RUNDC3B: variants seen among roughly 807,000 people sequenced by gnomAD.
RUNDC3B encodes RUN domain containing 3B.
A neutral mutation model predicts 58.4 loss-of-function variants in RUNDC3B; 33 were observed. The ratio of observed to expected loss-of-function variants is 0.56; its 90% CI spans 0.43 to 0.75. RUNDC3B has a LOEUF of 0.75. Ranked by LOEUF, RUNDC3B falls within the 30% of genes least tolerant of loss-of-function variation. The pLI, the probability that RUNDC3B is intolerant of heterozygous loss-of-function variation, is 0.00. For missense variants in RUNDC3B, 501 were observed against 535.7 expected (o/e 0.94, Z 0.64); for synonymous variants, 193 against 195.2 (o/e 0.99, Z 0.10).
chr7:87,726,078 A>G (rs1247126563), intron 4 of RUNDC3B, among the ~76,000 whole-genome samples: 1 of 224 alleles, frequency 4.5e-3, no homozygotes. Flanking sequence ...TTTGCTGTGC[A>G]GAAGCTCTTT....
At chr7:87,717,735 A>G (rs1830644031) in intron 4 of RUNDC3B, among the ~76,000 whole-genome samples, 1 of 152,150 alleles carries the variant, frequency 6.6e-6, no homozygotes, top group Non-Finnish European at 1.5e-5. Flanking sequence ...GATTTCAAGG[A>G]AGACTTGTAT....
intron 10 of RUNDC3B, among the ~76,000 whole-genome samples, chr7:87,820,040 A>G (rs976953299): frequency 2.0e-5 from 3 of 152,224 alleles, no homozygotes; most frequent in African/African-American, 7.2e-5. Context: ...CTAAAATCAG[A>G]GCGGAACTGA....
At chr7:87,737,903 A>G (rs1375846331) in intron 4 of RUNDC3B, among the ~76,000 whole-genome samples, 1 of 152,168 alleles carries the variant, frequency 6.6e-6, no homozygotes, top group Admixed American at 6.5e-5. Context: ...TATTATATGC[A>G]CACACATAAA....
At chr7:87,760,301 T>C (rs1833606179) in intron 6 of RUNDC3B, among the ~76,000 whole-genome samples, 1 of 152,110 alleles carries the variant, frequency 6.6e-6, no homozygotes, top group South Asian at 2.1e-4. Context: ...AACTTAAAAA[T>C]TGATGCTACA....
chr7:87,745,624 C>T (rs759647332), intron 6 of RUNDC3B, among the ~76,000 whole-genome samples: 1 of 152,008 alleles, frequency 6.6e-6, no homozygotes, highest in Admixed American at 6.6e-5. Context: ...TAGCCTTGAA[C>T]GATCTTTTGT....
At chr7:87,644,976 A>G (rs796843280) in intron 1 of RUNDC3B, among the ~76,000 whole-genome samples, 1 of 152,138 alleles carries the variant, frequency 6.6e-6, no homozygotes, top group African/African-American at 2.4e-5. Flanking sequence ...TATGTTTTAA[A>G]CAGTTTTGGT....
At chr7:87,727,924 A>T (rs992366928) in intron 4 of RUNDC3B, among the ~76,000 whole-genome samples, 1 of 152,186 alleles carries the variant, frequency 6.6e-6, no homozygotes, top group Non-Finnish European at 1.5e-5. Context: ...ATGATTCATT[A>T]TGCTCATTTT....
intron 1 of RUNDC3B, among the ~76,000 whole-genome samples, chr7:87,635,178 C>A (rs1821637426): frequency 6.6e-6 from 1 of 152,124 alleles, no homozygotes; most frequent in South Asian, 2.1e-4. Context: ...TAAAATATAT[C>A]CCTGGGTCAG....
intron 6 of RUNDC3B, among the ~76,000 whole-genome samples, chr7:87,742,488 G>T (rs1832382336): frequency 1.3e-5 from 2 of 152,024 alleles, no homozygotes; most frequent in South Asian, 4.2e-4. Flanking sequence ...ACTTCACTTA[G>T]AATAATAGTC....
chr7:87,667,395 A>G (rs553634205), intron 2 of RUNDC3B, among the ~76,000 whole-genome samples: 32 of 151,024 alleles, frequency 2.1e-4, no homozygotes, highest in African/African-American at 7.8e-4. Context: ...GGCCAAGACT[A>G]TGTTTTTTTT....
At chr7:87,732,979 G>A (rs191546597) in intron 4 of RUNDC3B, among the ~76,000 whole-genome samples, 1 of 152,206 alleles carries the variant, frequency 6.6e-6, no homozygotes, top group African/African-American at 2.4e-5. Context: ...ACAAAAGCTG[G>A]TTACAAACAA....
chr7:87,772,221 A>T (rs895615389), intron 7 of RUNDC3B, among the ~76,000 whole-genome samples: 1 of 152,144 alleles, frequency 6.6e-6, no homozygotes, highest in African/African-American at 2.4e-5. Context: ...ATATAATTTA[A>T]TGTTTAATAA....
At chr7:87,708,496 T>G (rs1045521881) in intron 3 of RUNDC3B, among the ~76,000 whole-genome samples, 1 of 152,178 alleles carries the variant, frequency 6.6e-6, no homozygotes, top group Non-Finnish European at 1.5e-5. Flanking sequence ...AAATGTAATC[T>G]ATAGTTAAAA....
At chr7:87,663,045 A>G (rs1273064248) in intron 2 of RUNDC3B, among the ~76,000 whole-genome samples, 1 of 151,912 alleles carries the variant, frequency 6.6e-6, no homozygotes, top group Non-Finnish European at 1.5e-5. Context: ...CAGATTGTTC[A>G]CTGTTGGCAT....
At chr7:87,733,888 G>T (rs959488452) in intron 4 of RUNDC3B, among the ~76,000 whole-genome samples, 13 of 152,174 alleles carry the variant, frequency 8.5e-5, no homozygotes, top group Admixed American at 7.2e-4. Context: ...GGCCCAGGGG[G>T]TGGGGACCCC....
chr7:87,658,320 G>A (rs765370703), intron 2 of RUNDC3B, among the ~76,000 whole-genome samples: 9 of 152,090 alleles, frequency 5.9e-5, no homozygotes, highest in Non-Finnish European at 8.8e-5. Flanking sequence ...TGAACTGAAA[G>A]ACAAAACAAT....
chr7:87,674,782 A>G (rs1412880706), intron 2 of RUNDC3B, among the ~76,000 whole-genome samples: 3 of 152,076 alleles, frequency 2.0e-5, no homozygotes, highest in Non-Finnish European at 2.9e-5. Context: ...CTGGAGCCCA[A>G]GGAGAGGCTA....
intron 1 of RUNDC3B, among the ~76,000 whole-genome samples, chr7:87,642,522 A>G (rs10233247): frequency 0.05 from 7,610 of 152,174 alleles, 294 homozygotes; most frequent in East Asian, 0.13. Context: ...GTTCTTTCAT[A>G]TGAGATTAAA....
intron 1 of RUNDC3B, among the ~76,000 whole-genome samples, chr7:87,644,487 C>G (rs1032451965): frequency 1.3e-5 from 2 of 152,144 alleles, no homozygotes; most frequent in African/African-American, 4.8e-5. Context: ...TGGATACTTA[C>G]GTTCTATTAA....
Sources: gnomAD v4.1 joint callset for allele counts (sites outside exome capture counted in the v4.1 genomes callset) on GRCh38, gnomAD v4.1.1 for gene constraint, MANE v1.5 for transcripts, NCBI Gene and HGNC (gene_info 2026-07-23, HGNC 2026-07-21) for gene names.